UBQLN1: variants seen among roughly 807,000 people sequenced by gnomAD.
The protein encoded by UBQLN1 is ubiquilin-1.
A neutral mutation model predicts 65.4 loss-of-function variants in UBQLN1; 13 were observed. That is an observed-to-expected ratio of 0.20 (90% CI 0.13 to 0.32). The LOEUF is 0.32. UBQLN1 is among the 10% of genes least tolerant of loss of function. The pLI is 1.00. For missense variants in UBQLN1, 561 were observed against 724.0 expected (o/e 0.77, Z 2.58); for synonymous variants, 267 against 247.8 (o/e 1.08, Z -0.73).
At chr9:83,668,644 AT>A in intron 7 of UBQLN1, 1 of 985,590 alleles carries the variant, frequency 1.0e-6, no homozygotes, top group Non-Finnish European at 1.2e-6. Context: ...TTAGAAACAA[AT>A]TAGAAAAAGG....
At chr9:83,667,959 C>G in intron 7 of UBQLN1, 1 of 985,164 alleles carries the variant, frequency 1.0e-6, no homozygotes, top group Non-Finnish European at 1.2e-6. Context: ...AGTCACTTTA[C>G]TAAAGTAAGA....
rs2131136130 is a variant in UBQLN1 at position 83,660,543 on chromosome 9, CTCTT to C, written c.*1240_*1243del. On this transcript the variant is annotated 3_prime_UTR_variant, in exon 11 of 11. Coordinates refer to ENST00000376395, the MANE Select transcript of UBQLN1 (RefSeq NM_013438.5). ...AATGTACTCAACATCATTAAAACGG[CTCTT>C]TGTTTTTCACCCCTGAATGATACTT... 6.6e-6 allele frequency: 1 copy of C among 152,488 alleles called. No homozygotes were observed. Among genetic ancestry groups the C allele is most frequent in the Non-Finnish European group, 1.5e-5 (1 of 68,006 alleles). 9.4% of individuals were successfully genotyped at this position (152,488 alleles called of 1,614,324 possible). A position where few individuals can be genotyped will look rare whatever the true frequency, so the allele number is the denominator to read the frequency against.
At chr9:83,682,819 T>G in intron 3 of UBQLN1, 132 bp downstream of exon 3, 1 of 484,886 alleles carries the variant, frequency 2.1e-6, no homozygotes. Flanking sequence ...ATTATAGGAA[T>G]GTATGTTTTT....
Position 83,700,727 on chromosome 9 carries a change from G to T in UBQLN1, c.180+6773C>A, listed in dbSNP as rs528764045. ...AAACTGTACAGAAGTCCTCAGGCAGGAAAAAAAGTATTAACAGGTCAGGGA... is the reference window on the plus strand; with the variant it reads ...AAACTGTACAGAAGTCCTCAGGCAGTAAAAAAAGTATTAACAGGTCAGGGA... On this transcript the variant is annotated intron_variant, in intron 1 of 10. Coordinates refer to ENST00000376395, the MANE Select transcript of UBQLN1 (RefSeq NM_013438.5). 5.4e-4 allele frequency among the ~76,000 whole-genome samples: 82 copies of T among 152,160 alleles called. 1 individual carries two copies. The highest frequency in any genetic ancestry group is 1.9e-3 in the African/African-American group (81 of 41,540).
chr9:83,686,957 G>C lies in UBQLN1; in HGVS notation c.181-802C>G, dbSNP rs1832050762. Among the ~76,000 whole-genome samples the C allele has an allele frequency of 4.0e-5, 6 of 151,686 alleles. No individual in the cohort carries two copies. In the South Asian group the frequency reaches 1.0e-3, roughly 26 times the overall value. On this transcript the variant is annotated intron_variant, in intron 1 of 10. Transcript: ENST00000376395. ...AAAATCTGAAATCTGAGACACTTCT[G>C]GTCCCAAGTCTGTCTGTTTAAAAAA...
At chr9:83,693,739 G>A (rs1201238085) in intron 1 of UBQLN1, among the ~76,000 whole-genome samples, 1 of 152,146 alleles carries the variant, frequency 6.6e-6, no homozygotes, top group Non-Finnish European at 1.5e-5. Context: ...AAGAAAATAA[G>A]ACACACATAT....
At position 83,660,931 on chromosome 9, in the gene UBQLN1, G is replaced by A. The variant is rs1831552916; in HGVS notation, c.*856C>T. 1 of 152,454 alleles carries A rather than the reference G, an allele frequency of 6.6e-6. No individual in the cohort carries two copies. Among genetic ancestry groups the A allele is most frequent in the East Asian group, 1.9e-4 (1 of 5,196 alleles). The allele number at this position is 152,454 out of a possible 1,614,324, so 9.4% of individuals were successfully genotyped here. ...TTAATGCCTGTTAAACTACCTATGG[G>A]AGAAGCTGAGAAGTCCTAGGCAAAT... On this transcript the variant is annotated 3_prime_UTR_variant, in exon 11 of 11. Transcript: ENST00000376395.
At chr9:83,701,269 A>C (rs1832305448) in intron 1 of UBQLN1, among the ~76,000 whole-genome samples, 1 of 152,156 alleles carries the variant, frequency 6.6e-6, no homozygotes, top group Non-Finnish European at 1.5e-5. Context: ...CTATTTTCTC[A>C]GTGATAAGAG....
At chr9:83,680,868 G>A (rs1831928906) in intron 3 of UBQLN1, among the ~76,000 whole-genome samples, 1 of 152,154 alleles carries the variant, frequency 6.6e-6, no homozygotes, top group South Asian at 2.1e-4. Context: ...TCTGAAGTAG[G>A]GGCAGTCTTG....
chr9:83,696,667 A>G (rs1380565790), intron 1 of UBQLN1, among the ~76,000 whole-genome samples: 1 of 151,814 alleles, frequency 6.6e-6, no homozygotes, highest in African/African-American at 2.4e-5. Context: ...AATCCCAACT[A>G]GGTACAAAAT....
chr9:83,671,036 G>C (rs996543707), intron 6 of UBQLN1, among the ~76,000 whole-genome samples: 17 of 152,190 alleles, frequency 1.1e-4, no homozygotes, highest in African/African-American at 3.1e-4. Context: ...CACGAACATA[G>C]CTCACTGCTG....
rs1424238388 is a variant in UBQLN1 at position 83,707,519 on chromosome 9, T to C, written c.161A>G (p.Glu54Gly). Reference sequence around the variant, plus strand: ...CCTCACCTGCTGGACGGAGCTATTCTCGGGCACGGCGAATTCCTCCTTTTC... The same window carrying C: ...CCTCACCTGCTGGACGGAGCTATTCCCGGGCACGGCGAATTCCTCCTTTTC... ...PKEKEEFAVP[E>G]NSSVQQFKEE... Residue 54 changes from glutamate to glycine, a missense_variant, in exon 1 of 11, where the codon GAG becomes GGG. Physicochemically the swap from Glu to Gly is moderately conservative, Grantham distance 98. Coordinates refer to ENST00000376395, the MANE Select transcript of UBQLN1 (RefSeq NM_013438.5). 1.2e-6 allele frequency: 2 copies of C among 1,610,556 alleles called. No homozygotes were observed. Among genetic ancestry groups the C allele is most frequent in the Non-Finnish European group, 1.7e-6 (2 of 1,178,606 alleles).
In UBQLN1 at chr9:83,707,867, G is replaced by A. The variant is rs931427224; in HGVS notation, c.-188C>T. 3.4e-5 allele frequency: 28 copies of A among 821,348 alleles called. No homozygotes were observed. The highest frequency in any genetic ancestry group is 4.6e-5 in the Non-Finnish European group (26 of 569,764). 50.9% of individuals were successfully genotyped at this position (821,348 alleles called of 1,614,324 possible). ...CCCGGAGCTCGGTGCAGGCTCTGGC[G>A]CAGGCCCGGGTCAGGCGCTCGGCAG... On this transcript the variant is annotated 5_prime_UTR_variant, in exon 1 of 11. Transcript: ENST00000376395.
chr9:83,688,063 T>G (rs1017649229), intron 1 of UBQLN1, among the ~76,000 whole-genome samples: 18 of 152,316 alleles, frequency 1.2e-4, no homozygotes, highest in Non-Finnish European at 1.5e-5. Flanking sequence ...CTCCCATTAT[T>G]AGACATCTCA....
rs562979557 is a variant in UBQLN1 at position 83,661,518 on chromosome 9, G to C, written c.*269C>G. On this transcript the variant is annotated 3_prime_UTR_variant, in exon 11 of 11. Coordinates refer to ENST00000376395, the MANE Select transcript of UBQLN1 (RefSeq NM_013438.5). ...ACTGGACAGATGCAGGACAAAATCT[G>C]GTCACCCAACTATAAAAGGTGATGT... The C allele has an allele frequency of 1.7e-5, 5 of 298,482 alleles. No homozygotes were observed. The South Asian group carries it at 4.4e-4, about 26-fold the overall frequency. The allele number at this position is 298,482 out of a possible 1,614,324, so 18.5% of individuals were successfully genotyped here.
chr9:83,676,808 T>A lies in UBQLN1; in HGVS notation c.1105+919A>T, dbSNP rs79054011. Among the ~76,000 whole-genome samples, 717 of 152,330 alleles carry A rather than the reference T, an allele frequency of 4.7e-3. 2 individuals are homozygous for A. The highest frequency in any genetic ancestry group is 0.016 in the African/African-American group (672 of 41,572). ...TAGAGAAGTGCTCCCATGTCTCCAT[T>A]TCTTCCTACTTATACGCCAAGTATT... On this transcript the variant is annotated intron_variant, in intron 6 of 10. Coordinates refer to ENST00000376395, the MANE Select transcript of UBQLN1 (RefSeq NM_013438.5).
At chr9:83,705,416 A>C (rs1832384770) in intron 1 of UBQLN1, among the ~76,000 whole-genome samples, 1 of 152,068 alleles carries the variant, frequency 6.6e-6, no homozygotes, top group African/African-American at 2.4e-5. Flanking sequence ...CGCCCAGCTA[A>C]GTTTTGTATT....
At chr9:83,676,750 C>T (rs902707411) in intron 6 of UBQLN1, among the ~76,000 whole-genome samples, 3 of 152,174 alleles carry the variant, frequency 2.0e-5, no homozygotes, top group Admixed American at 6.6e-5. Flanking sequence ...AAAGTACAGG[C>T]ATCTTTTAAA....
chr9:83,665,095 C>G lies in UBQLN1; in HGVS notation c.1383G>C (p.Gln461His), dbSNP rs1831623741. 6.2e-7 allele frequency: 1 copy of G among 1,613,858 alleles called. No homozygotes were observed. The highest frequency in any genetic ancestry group is 1.1e-5 in the South Asian group (1 of 91,050). Residue 461 changes from glutamine to histidine, a missense_variant, in exon 9 of 11, where the codon CAG (glutamine) becomes CAC (histidine). Gln to His is a conservative substitution (Grantham distance 24, BLOSUM62 0). Around this residue, in one of 8 missense-constraint regions of UBQLN1, gnomAD observed 102 missense variants for 150.7 expected, o/e 0.68. Transcript: ENST00000376395. Reference sequence around the variant, plus strand: ...AACCCTGCTGAATCTGTAACAAGGCCTGCATTGCTCTAGGGTTTGACATTG... The same window carrying G: ...AACCCTGCTGAATCTGTAACAAGGCGTGCATTGCTCTAGGGTTTGACATTG... ...LSAMSNPRAM[Q>H]ALLQIQQGLQ...
Sources: gnomAD v4.1 joint callset for allele counts (sites outside exome capture counted in the v4.1 genomes callset) on GRCh38, gnomAD v4.1.1 for gene constraint, gnomAD v4.1.1 regional missense constraint, MANE v1.5 for transcripts, NCBI Gene and HGNC (gene_info 2026-07-23, HGNC 2026-07-21) for gene names.